The following SMAP1 variants were observed in gnomAD, a reference collection of about 807,000 sequenced individuals.
SMAP1 encodes the protein small ArfGAP 1, also known as stromal membrane-associated protein 1.
A neutral mutation model predicts 58.5 loss-of-function variants in SMAP1; 24 were observed. The ratio of observed to expected loss-of-function variants is 0.41; its 90% CI spans 0.30 to 0.58. SMAP1 has a LOEUF of 0.58. SMAP1 is among the 20% of genes least tolerant of loss of function. The pLI, the probability that SMAP1 is intolerant of heterozygous loss-of-function variation, is 0.29. For missense variants in SMAP1, 563 were observed against 566.3 expected, an observed-to-expected ratio of 0.99 and a Z score of 0.06; for synonymous variants, 216 against 196.6, an observed-to-expected ratio of 1.10 and a Z score of -0.82.
At position 70,861,826 on chromosome 6, in the gene SMAP1, A is replaced by G. The variant is rs374195383; in HGVS notation, c.*1492A>G. On this transcript the variant is annotated 3_prime_UTR_variant, in exon 11 of 11. Coordinates refer to ENST00000370455, the MANE Select transcript of SMAP1 (RefSeq NM_001044305.3). The stretch of plus-strand genomic sequence containing the variant: ...AGGTCGGGCAGCACAAGTGTAATGA[A>G]TACCTTAGTGCAGTTATTTGCTTTC... 1.2e-6 allele frequency: 2 copies of G among 1,614,028 alleles called. No individual in the cohort carries two copies. The highest frequency in any genetic ancestry group is 1.7e-5 in the Admixed American group (1 of 60,002).
At chr6:70,853,222 T>A (rs993497032) in intron 8 of SMAP1, among the ~76,000 whole-genome samples, 7 of 152,164 alleles carry the variant, frequency 4.6e-5, no homozygotes, top group African/African-American at 1.4e-4. Flanking sequence ...AGTGATTTTT[T>A]AAAAATCTAG....
In SMAP1 at chr6:70,667,891, C is replaced by A; in HGVS notation, c.-133C>A. 4.5e-6 allele frequency: 3 copies of A among 665,140 alleles called. No homozygotes were observed. The South Asian group carries it at 7.0e-5, about 16-fold the overall frequency. The allele number at this position is 665,140 out of a possible 1,614,324, so 41.2% of individuals were successfully genotyped here. A position where few individuals can be genotyped will look rare whatever the true frequency, so the allele number is the denominator to read the frequency against. ...CGCCGCCGCCGCCCCTCCTCCCGTTCCAGCTGCCGCTGCCGCTTCCTGGGC... is the reference window on the plus strand; with the variant it reads ...CGCCGCCGCCGCCCCTCCTCCCGTTACAGCTGCCGCTGCCGCTTCCTGGGC... On this transcript the variant is annotated 5_prime_UTR_variant, in exon 1 of 11. Transcript: ENST00000370455.
chr6:70,816,972 G>A (rs1344851120), intron 6 of SMAP1, among the ~76,000 whole-genome samples: 1 of 151,740 alleles, frequency 6.6e-6, no homozygotes, highest in East Asian at 1.9e-4. Flanking sequence ...TGTCTATTTC[G>A]GATATATTTG....
intron 6 of SMAP1, among the ~76,000 whole-genome samples, chr6:70,834,371 C>A (rs1274143200): frequency 1.2e-3 from 163 of 136,196 alleles, no homozygotes; most frequent in East Asian, 1.3e-3. Context: ...TAAAATACAC[C>A]AAAAAAAAAA....
chr6:70,722,821 C>T (rs12208797), intron 1 of SMAP1, among the ~76,000 whole-genome samples: 66,747 of 152,134 alleles, frequency 0.44, 15,012 homozygotes, highest in South Asian at 0.5. Flanking sequence ...CGGTTTTCCA[C>T]GCTGGGTGGG....
intron 1 of SMAP1, among the ~76,000 whole-genome samples, chr6:70,672,092 C>T (rs1766289314): frequency 1.3e-5 from 2 of 152,172 alleles, no homozygotes; most frequent in Admixed American, 6.5e-5. Context: ...TGAAGACACA[C>T]TGTTAGATAT....
At chr6:70,805,318 A>T (rs1562174142) in intron 6 of SMAP1, among the ~76,000 whole-genome samples, 1 of 152,152 alleles carries the variant, frequency 6.6e-6, no homozygotes, top group Non-Finnish European at 1.5e-5. Flanking sequence ...TGCATGCGTC[A>T]CAAAGTTCTC....
At chr6:70,745,253 C>T (rs1213184980) in intron 2 of SMAP1, among the ~76,000 whole-genome samples, 6 of 152,168 alleles carry the variant, frequency 3.9e-5, no homozygotes, top group East Asian at 1.9e-4. Flanking sequence ...TTGCCCATGC[C>T]TATGTCTTGA....
chr6:70,745,219 T>G (rs1047574926), intron 2 of SMAP1, among the ~76,000 whole-genome samples: 3 of 152,196 alleles, frequency 2.0e-5, no homozygotes, highest in African/African-American at 4.8e-5. Context: ...TGCCATTGCT[T>G]TTGGTGTTTT....
intron 5 of SMAP1, among the ~76,000 whole-genome samples, chr6:70,795,848 C>T (rs1768582585): frequency 6.6e-6 from 1 of 151,966 alleles, no homozygotes; most frequent in Non-Finnish European, 1.5e-5. Flanking sequence ...AGTGATTCTC[C>T]TGCCTCAGCC....
intron 4 of SMAP1, among the ~76,000 whole-genome samples, chr6:70,779,185 G>A (rs1349959825): frequency 6.6e-6 from 1 of 152,226 alleles, no homozygotes; most frequent in African/African-American, 2.4e-5. Flanking sequence ...CTTCTCCAGG[G>A]TGTAGGCTTC....
intron 7 of SMAP1, chr6:70,837,829 T>G: frequency 7.8e-7 from 1 of 1,278,328 alleles, no homozygotes. Flanking sequence ...TTAGTTGAAG[T>G]GGAAGAGTTG....
At chr6:70,765,842 C>A (rs1341578683) in intron 3 of SMAP1, among the ~76,000 whole-genome samples, 1 of 151,448 alleles carries the variant, frequency 6.6e-6, no homozygotes, top group Non-Finnish European at 1.5e-5. Flanking sequence ...TGTGCTGCAC[C>A]CATTAACTCG....
chr6:70,750,792 A>G (rs1766242304), intron 2 of SMAP1, among the ~76,000 whole-genome samples: 1 of 152,182 alleles, frequency 6.6e-6, no homozygotes, highest in Non-Finnish European at 1.5e-5. Context: ...CACCATTTCC[A>G]GGTGAAGCCT....
chr6:70,735,810 G>A (rs1002209787), intron 2 of SMAP1, among the ~76,000 whole-genome samples: 1 of 152,102 alleles, frequency 6.6e-6, no homozygotes, highest in African/African-American at 2.4e-5. Flanking sequence ...GGAACTAAGA[G>A]AAATACTTTT....
At chr6:70,728,573 G>T (rs1490609949) in intron 1 of SMAP1, among the ~76,000 whole-genome samples, 5 of 152,130 alleles carry the variant, frequency 3.3e-5, no homozygotes, top group African/African-American at 1.2e-4. Flanking sequence ...TGATACAGAA[G>T]GTTATATAAG....
chr6:70,852,557 C>T lies in SMAP1; in HGVS notation c.682C>T (p.Pro228Ser). Residue 228 changes from proline to serine, a missense_variant, in exon 8 of 11, where the codon CCA becomes TCA. By Grantham distance (74) the Pro-to-Ser change is moderately conservative. This residue lies in a region of SMAP1 where 494 missense variants were observed against 473.8 expected (regional missense o/e 1.04). Transcript: ENST00000370455. ...CTTTTCAGATGGCCCTGCTGTGGCA[C>T]CAGTGACCAACGGGAACACAACGGT... is the stretch of plus-strand genomic sequence containing the variant. ...LLGLDGPAVA[P>S]VTNGNTTVPP... 6.3e-7 allele frequency: 1 copy of T among 1,598,120 alleles called. No individual in the cohort carries two copies. The highest frequency in any genetic ancestry group is 8.5e-7 in the Non-Finnish European group (1 of 1,172,540).
intron 4 of SMAP1, among the ~76,000 whole-genome samples, chr6:70,783,475 A>C (rs571901109): frequency 1.3e-5 from 2 of 152,352 alleles, no homozygotes; most frequent in South Asian, 4.1e-4. Context: ...GAGTTGAGAG[A>C]AGAAGGCTTC....
intron 3 of SMAP1, among the ~76,000 whole-genome samples, chr6:70,769,581 C>CT (rs1020427536): frequency 2.0e-5 from 3 of 152,006 alleles, no homozygotes; most frequent in African/African-American, 4.8e-5. Flanking sequence ...CAACCCCTGC[C>CT]TTTTTTTGTT....
Sources: gnomAD v4.1 joint callset for allele counts (sites outside exome capture counted in the v4.1 genomes callset) on GRCh38, gnomAD v4.1.1 for gene constraint, gnomAD v4.1.1 regional missense constraint, MANE v1.5 for transcripts, NCBI Gene and HGNC (gene_info 2026-07-23, HGNC 2026-07-21) for gene names.